SH2B1: variants seen among roughly 807,000 people sequenced by gnomAD.
The protein encoded by SH2B1 is SH2B adapter protein 1.
A neutral mutation model predicts 62.6 loss-of-function variants in SH2B1; 15 were observed. The observed-to-expected ratio is 0.24, with a 90% CI of 0.16 to 0.37. SH2B1 has a LOEUF of 0.37. SH2B1 is among the 10% of genes least tolerant of loss of function. The probability of loss-of-function intolerance (pLI) is 1.00; values close to 1 mark genes in which losing one functional copy is unlikely to be tolerated. For missense variants in SH2B1, 925 were observed against 1,015.6 expected (o/e 0.91, Z 1.21); for synonymous variants, 443 against 438.0 (o/e 1.01, Z -0.14).
chr16:28,862,324 T>C (rs1281967665), upstream of SH2B1: 2 of 152,208 alleles, frequency 1.3e-5, no homozygotes, highest in African/African-American at 4.8e-5. Context: ...AGATGGAGTC[T>C]CGCTCTTTTG....
chr16:28,873,777 G>A lies in SH2B1; in HGVS notation c.2228G>A (p.Gly743Glu). The change falls in exon 8 of 8, where the codon GGG (glycine) becomes GAG (glutamate). Residue 743 changes from glycine to glutamate, a missense_variant. This residue lies in a region of SH2B1 where 185 missense variants were observed against 189.5 expected (regional missense o/e 0.98). Coordinates refer to ENST00000684370, the MANE Select transcript of SH2B1 (RefSeq NM_001387430.1). The surrounding 1 kb of genome is among the most constrained non-coding windows in gnomAD (Gnocchi z 4.2). ...QSPLGGDGEE[G>E]GHPRAINNQY... ...CCACTAGGGGGTGATGGAGAGGAAG[G>A]GGGCCACCCCAGGGCCATTAACAAC... 1 of 1,469,004 alleles carries A rather than the reference G, an allele frequency of 6.8e-7. No individual in the cohort carries two copies. The allele number at this position is 1,469,004 out of a possible 1,614,324, so 91.0% of individuals were successfully genotyped here. A position where few individuals can be genotyped will look rare whatever the true frequency, so the allele number is the denominator to read the frequency against.
At chr16:28,863,714 T>C (rs1353612291), upstream of SH2B1, 1 of 1,535,762 alleles carries the variant, frequency 6.5e-7, no homozygotes, top group African/African-American at 1.4e-5. Context: ...CACACCGTCT[T>C]CGGTCTCCTG....
At chr16:28,858,504 A>C (rs1045619735) in intron 1 of SH2B1, among the ~76,000 whole-genome samples, 2 of 151,872 alleles carry the variant, frequency 1.3e-5, no homozygotes, top group Non-Finnish European at 2.9e-5. Flanking sequence ...AGACAGTGAG[A>C]CTCTGTCTCA....
upstream of SH2B1, chr16:28,863,803 T>C: frequency 6.5e-7 from 1 of 1,535,294 alleles, no homozygotes; most frequent in East Asian, 2.4e-5. Flanking sequence ...CTATGGTCTC[T>C]TCCTTCAGCG....
chr16:28,857,077 G>A (rs140140938), intron 1 of SH2B1, among the ~76,000 whole-genome samples: 1,600 of 152,232 alleles, frequency 0.011, 26 homozygotes, highest in African/African-American at 0.035. Flanking sequence ...GAGGTCAGGA[G>A]TTCGAGACCA....
chr16:28,871,321 G>A (rs1260328966), intron 4 of SH2B1, among the ~76,000 whole-genome samples: 1 of 152,068 alleles, frequency 6.6e-6, no homozygotes, highest in Non-Finnish European at 1.5e-5. Context: ...CCTGGCCCAG[G>A]ACTCCTTTTG....
chr16:28,873,347 G>A lies in SH2B1; in HGVS notation c.1898-100G>A, dbSNP rs1196900547. ...GGGGTTGCTCAGGAGATGGGATGTG[G>A]GGAGACAGCCACGCTCCTGGGGGGC... On this transcript the variant is annotated intron_variant, in intron 7 of 7. Transcript: ENST00000684370. This position sits in a 1 kb window ranked among gnomAD's most constrained non-coding sequence, Gnocchi z 4.2. 12 of 1,588,460 alleles carry A rather than the reference G, an allele frequency of 7.6e-6. No individual in the cohort carries two copies. Among genetic ancestry groups the A allele is most frequent in the Non-Finnish European group, 1.0e-5 (12 of 1,169,918 alleles).
At position 28,872,736 on chromosome 16, in the gene SH2B1, T is replaced by C; in HGVS notation, c.1897+31T>C. On this transcript the variant is annotated intron_variant, in intron 7 of 7. Transcript: ENST00000684370. The surrounding 1 kb of genome is among the most constrained non-coding windows in gnomAD (Gnocchi z 5.3). ...CAGAGCAGGTCTGCAGGGGAGGAGG[T>C]GCCCGTGCACCCAAGAAGTGAGGTG... is the stretch of plus-strand genomic sequence containing the variant. 1 of 1,612,376 alleles carries C rather than the reference T, an allele frequency of 6.2e-7. No individual in the cohort carries two copies. Among genetic ancestry groups the C allele is most frequent in the African/African-American group, 1.3e-5 (1 of 74,786 alleles).
intron 2 of SH2B1, 25 bp downstream of exon 2, chr16:28,867,457 C>T (rs1056899285): frequency 3.1e-5 from 48 of 1,559,966 alleles, no homozygotes; most frequent in East Asian, 4.5e-5. Flanking sequence ...TCCCAGCCGC[C>T]GGCAGTGCTT....
At position 28,852,395 on chromosome 16, in the gene SH2B1, CAT is replaced by C. The variant is rs1555509842; in HGVS notation, c.-301+5575_-301+5576del. Among the ~76,000 whole-genome samples, 133 of 16,144 alleles carry C rather than the reference CAT, an allele frequency of 8.2e-3. 46 individuals carry two copies. Among genetic ancestry groups the C allele is most frequent in the African/African-American group, 0.045 (116 of 2,592 alleles). 10.6% of individuals were successfully genotyped at this position (16,144 alleles called of 152,430 possible). On this transcript the variant is annotated intron_variant, in intron 1 of 10. Transcript: ENST00000322610. ...ATATTTACATATATTTATATATATACATATATATTTACATATATATTTATATA... is the reference window on the plus strand; with the variant it reads ...ATATTTACATATATTTATATATATACATATATTTACATATATATTTATATA...
In SH2B1 at chr16:28,873,600, G is replaced by T. The variant is rs1963171063; in HGVS notation, c.2051G>T (p.Gly684Val). The T allele has an allele frequency of 1.3e-6, 2 of 1,557,170 alleles. No homozygotes were observed. The highest frequency in any genetic ancestry group is 1.4e-5 in the African/African-American group (1 of 73,228). The change falls in exon 8 of 8, where the codon GGC becomes GTC. Residue 684 changes from glycine (G) to valine (V), a missense_variant. Around this residue, in one of 3 missense-constraint regions of SH2B1, gnomAD observed 185 missense variants for 189.5 expected, o/e 0.98. Coordinates refer to ENST00000684370, the MANE Select transcript of SH2B1 (RefSeq NM_001387430.1). This position sits in a 1 kb window ranked among gnomAD's most constrained non-coding sequence, Gnocchi z 4.2. ...GAGAGGCAAGAGAAAGAGAAAGCGG[G>T]CGGTGGAGGGGTCCCGGAAGAGCTG... ...AKERQEKEKA[G>V]GGGVPEELVP...
At chr16:28,867,244 G>A in intron 1 of SH2B1, 87 bp from the exon 2 acceptor site, 1 of 1,275,990 alleles carries the variant, frequency 7.8e-7, no homozygotes, top group Non-Finnish European at 1.1e-6. Context: ...TCCCGAGGAT[G>A]TAGAAGGAAA....
At chr16:28,856,099 T>G (rs1414482414) in intron 1 of SH2B1, among the ~76,000 whole-genome samples, 2 of 115,732 alleles carry the variant, frequency 1.7e-5, no homozygotes, top group Non-Finnish European at 3.5e-5. Flanking sequence ...ACCCCATCTG[T>G]ACTAAAAATA....
intron 1 of SH2B1, among the ~76,000 whole-genome samples, chr16:28,856,019 G>A (rs894721784): frequency 2.7e-5 from 4 of 147,752 alleles, no homozygotes; most frequent in Admixed American, 6.8e-5. Context: ...GCTCACACTT[G>A]TAATCCCAGC....
chr16:28,871,803 C>G lies in SH2B1; in HGVS notation c.1333C>G (p.Arg445Gly), dbSNP rs773181641. The G allele has an allele frequency of 6.2e-7, 1 of 1,614,004 alleles. No homozygotes were observed. Among genetic ancestry groups the G allele is most frequent in the Non-Finnish European group, 8.5e-7 (1 of 1,179,926 alleles). ...SQGAYGGLSD[R>G]PSASISPSSA... Reference sequence around the variant, plus strand: ...AGGGGCATATGGGGGCCTCTCAGACCGCCCCTCGGCATCCATCTCCCCCAG... The same window carrying G: ...AGGGGCATATGGGGGCCTCTCAGACGGCCCCTCGGCATCCATCTCCCCCAG... Residue 445 changes from arginine to glycine, a missense_variant, in exon 5 of 8, where the codon CGC (arginine) becomes GGC (glycine). This residue lies in a region of SH2B1 where 683 missense variants were observed against 704.0 expected (regional missense o/e 0.97). Transcript: ENST00000684370.
rs765100719 is a variant in SH2B1 at position 28,866,608 on chromosome 16, T to C, written c.514T>C (p.Trp172Arg). The C allele has an allele frequency of 6.2e-7, 1 of 1,613,886 alleles. No individual in the cohort carries two copies. Among genetic ancestry groups the C allele is most frequent in the Non-Finnish European group, 8.5e-7 (1 of 1,179,982 alleles). ...AGGCTCAGTCCGTGGCATCCTGCAG[T>C]GGCGGGGGACCGTTGACCCTCCCTC... ...VRGSVRGILQ[W>R]RGTVDPPSSA... The change falls in exon 1 of 8, where the codon TGG becomes CGG. Residue 172 changes from tryptophan (W) to arginine (R), a missense_variant. Trp to Arg is a moderately radical substitution (Grantham distance 101). Around this residue, in one of 3 missense-constraint regions of SH2B1, gnomAD observed 683 missense variants for 704.0 expected, o/e 0.97. Coordinates refer to ENST00000684370, the MANE Select transcript of SH2B1 (RefSeq NM_001387430.1). The surrounding 1 kb of genome is among the most constrained non-coding windows in gnomAD (Gnocchi z 6.3).
chr16:28,851,835 G>A (rs1052949514), intron 1 of SH2B1, among the ~76,000 whole-genome samples: 3 of 150,280 alleles, frequency 2.0e-5, no homozygotes, highest in South Asian at 2.1e-4. Flanking sequence ...TTGGGAGGCC[G>A]AGGCAGGTGG....
At position 28,866,443 on chromosome 16, in the gene SH2B1, C is replaced by T; in HGVS notation, c.349C>T (p.Leu117=). The T allele has an allele frequency of 6.2e-7, 1 of 1,614,030 alleles. No individual in the cohort carries two copies. Among genetic ancestry groups the T allele is most frequent in the Non-Finnish European group, 8.5e-7 (1 of 1,180,032 alleles). ...SLESCRVGGP[L]AVLGPSRSSE... ...TGAGAGCTGCAGGGTGGGTGGGCCCCTGGCTGTGCTGGGCCCTTCTCGATC... is the reference window on the plus strand; with the variant it reads ...TGAGAGCTGCAGGGTGGGTGGGCCCTTGGCTGTGCTGGGCCCTTCTCGATC... The change falls in exon 1 of 8, where the codon CTG becomes TTG. Residue 117 remains leucine (L), a synonymous_variant. Coordinates refer to ENST00000684370, the MANE Select transcript of SH2B1 (RefSeq NM_001387430.1). This position sits in a 1 kb window ranked among gnomAD's most constrained non-coding sequence, Gnocchi z 6.3.
upstream of SH2B1, chr16:28,863,468 G>C: frequency 1.9e-6 from 1 of 534,722 alleles, no homozygotes; most frequent in Non-Finnish European, 3.3e-6. Context: ...CTAGGCTGCA[G>C]CGGGCCGTTC....
Sources: gnomAD v4.1 joint callset for allele counts (sites outside exome capture counted in the v4.1 genomes callset) on GRCh38, gnomAD v4.1.1 for gene constraint, gnomAD v4.1.1 regional missense constraint, Gnocchi (gnomAD v3.1) non-coding constraint, MANE v1.5 for transcripts, NCBI Gene and HGNC (gene_info 2026-07-23, HGNC 2026-07-21) for gene names.